DLG2: variants seen among roughly 807,000 people sequenced by gnomAD.
DLG2 encodes the protein disks large homolog 2.
DLG2 carries 45 observed loss-of-function variants against 132.5 expected under a neutral mutation model. That is an observed-to-expected ratio of 0.34 (90% CI 0.27 to 0.44). The LOEUF is 0.44. DLG2 is among the 20% of genes least tolerant of loss of function. The probability of loss-of-function intolerance (pLI) is 1.00; values close to 1 mark genes in which losing one functional copy is unlikely to be tolerated. For synonymous variants in DLG2, 424 were observed against 419.6 expected (o/e 1.01, Z -0.13); for missense variants, 1,045 against 1,196.9 (o/e 0.87, Z 1.87).
At chr11:83,912,322 G>A (rs2076218364) in intron 15 of DLG2, among the ~76,000 whole-genome samples, 1 of 151,976 alleles carries the variant, frequency 6.6e-6, no homozygotes, top group South Asian at 2.1e-4. Context: ...TCTTGTTTGG[G>A]TCCCCAATGT....
chr11:85,525,635 T>C (rs1230182374), intron 3 of DLG2, among the ~76,000 whole-genome samples: 1 of 152,086 alleles, frequency 6.6e-6, no homozygotes, highest in African/African-American at 2.4e-5. Flanking sequence ...GCAAAATATA[T>C]GAAATAATAA....
At chr11:84,436,998 C>T (rs575370462) in intron 7 of DLG2, among the ~76,000 whole-genome samples, 1 of 152,294 alleles carries the variant, frequency 6.6e-6, no homozygotes, top group African/African-American at 2.4e-5. Flanking sequence ...ACGCCCACTT[C>T]AGAACCAAAG....
chr11:85,210,817 C>T (rs561455022), intron 4 of DLG2, among the ~76,000 whole-genome samples: 124 of 152,174 alleles, frequency 8.1e-4, no homozygotes, highest in African/African-American at 2.8e-3. Flanking sequence ...TTTAAAACTG[C>T]TACAATCTGA....
chr11:84,871,885 G>C (rs902522885), intron 6 of DLG2, among the ~76,000 whole-genome samples: 1 of 152,126 alleles, frequency 6.6e-6, no homozygotes, highest in Non-Finnish European at 1.5e-5. Context: ...ATGTTGGCCA[G>C]GCTGCTCTCA....
intron 6 of DLG2, among the ~76,000 whole-genome samples, chr11:85,028,586 G>A (rs1162976125): frequency 2.0e-5 from 3 of 152,306 alleles, no homozygotes; most frequent in Non-Finnish European, 2.9e-5. Flanking sequence ...AGGGGGCAGA[G>A]GGCTGGCCTG....
At chr11:83,740,115 A>G (rs1460868784) in intron 18 of DLG2, among the ~76,000 whole-genome samples, 1 of 152,232 alleles carries the variant, frequency 6.6e-6, no homozygotes, top group Non-Finnish European at 1.5e-5. Flanking sequence ...ACTATTAAGC[A>G]GTTGCTCCTA....
chr11:84,155,393 C>T (rs576126378), intron 9 of DLG2, among the ~76,000 whole-genome samples: 1 of 151,736 alleles, frequency 6.6e-6, no homozygotes, highest in South Asian at 2.1e-4. Flanking sequence ...AAGATCTATT[C>T]GAAGTGTGAT....
At chr11:85,285,132 T>C (rs2078476600) in intron 4 of DLG2, 88 bp downstream of exon 4, 1 of 1,136,888 alleles carries the variant, frequency 8.8e-7, no homozygotes, top group South Asian at 1.8e-5. Flanking sequence ...TTGCCATTTG[T>C]TGATAATAAT....
At chr11:84,376,122 C>G (rs2098727988) in intron 7 of DLG2, among the ~76,000 whole-genome samples, 2 of 151,958 alleles carry the variant, frequency 1.3e-5, no homozygotes, top group Non-Finnish European at 2.9e-5. Flanking sequence ...AAATTATCAT[C>G]AATCTTTTCT....
At chr11:84,273,061 G>C (rs756358821) in intron 7 of DLG2, 2 of 1,145,032 alleles carry the variant, frequency 1.7e-6, no homozygotes, top group Admixed American at 3.6e-5. Context: ...CAAATGCACA[G>C]AATTTATACA....
intron 18 of DLG2, among the ~76,000 whole-genome samples, chr11:83,685,281 T>C (rs1479116251): frequency 6.6e-6 from 1 of 152,174 alleles, no homozygotes; most frequent in East Asian, 1.9e-4. Context: ...ACATAAAACA[T>C]TAGTGTCTGT....
intron 6 of DLG2, among the ~76,000 whole-genome samples, chr11:84,914,245 G>GA (rs1476705569): frequency 6.6e-6 from 1 of 152,026 alleles, no homozygotes; most frequent in East Asian, 1.9e-4. Context: ...TACACAGAAA[G>GA]AAAAAACAAA....
chr11:84,864,467 A>T (rs1375572957), intron 6 of DLG2, among the ~76,000 whole-genome samples: 1 of 152,042 alleles, frequency 6.6e-6, no homozygotes, highest in Non-Finnish European at 1.5e-5. Flanking sequence ...TCTTTGTTGG[A>T]TTCTACATCA....
intron 20 of DLG2, among the ~76,000 whole-genome samples, chr11:83,538,341 C>T (rs2095952824): frequency 6.6e-6 from 1 of 152,208 alleles, no homozygotes; most frequent in South Asian, 2.1e-4. Context: ...TGCCACCAGA[C>T]TTGAGAGCTG....
At chr11:83,675,276 G>A (rs2077486611) in intron 18 of DLG2, among the ~76,000 whole-genome samples, 1 of 152,148 alleles carries the variant, frequency 6.6e-6, no homozygotes, top group Non-Finnish European at 1.5e-5. Context: ...TTTCTTTGAA[G>A]CATTGACATT....
At chr11:84,267,525 T>A (rs1310389623) in intron 7 of DLG2, among the ~76,000 whole-genome samples, 1 of 152,236 alleles carries the variant, frequency 6.6e-6, no homozygotes. Context: ...GTTCTGTGGC[T>A]GTGGGTATAG....
At chr11:84,469,837 T>G (rs2099104161) in intron 7 of DLG2, among the ~76,000 whole-genome samples, 1 of 151,696 alleles carries the variant, frequency 6.6e-6, no homozygotes, top group South Asian at 2.1e-4. Context: ...AGTCATGGGT[T>G]GCTGAACAAC....
rs2057426931 is a variant in DLG2, at chr11:84,994,336, TCC to T, written c.357+117323_357+117324del. Reference sequence around the variant, plus strand: ...GAATTGGTACTTCAAGTGGGATCATTCCTGTAACACCAGAATTATGGCTATAT... The same window carrying T: ...GAATTGGTACTTCAAGTGGGATCATTTGTAACACCAGAATTATGGCTATAT... On this transcript the variant is annotated intron_variant, in intron 6 of 27. Coordinates refer to ENST00000376104, the MANE Select transcript of DLG2 (RefSeq NM_001142699.3). Among the ~76,000 whole-genome samples, 3 of 152,170 alleles carry T rather than the reference TCC, an allele frequency of 2.0e-5. No individual in the cohort carries two copies. In the South Asian group the frequency reaches 6.2e-4, roughly 32 times the overall value.
chr11:85,215,562 A>G (rs533721901), intron 4 of DLG2, among the ~76,000 whole-genome samples: 1 of 152,294 alleles, frequency 6.6e-6, no homozygotes, highest in Admixed American at 6.5e-5. Flanking sequence ...ATGATTTTTA[A>G]TTATAGGAGA....
Sources: allele counts gnomAD v4.1 joint callset (sites outside exome capture counted in the v4.1 genomes callset), GRCh38; gene constraint gnomAD v4.1.1; transcripts MANE v1.5; gene names NCBI Gene and HGNC (gene_info 2026-07-23, HGNC 2026-07-21).